Variants in PPP1R14D observed in about 807,000 individuals in gnomAD.
The protein encoded by PPP1R14D is protein phosphatase 1 regulatory subunit 14D.
In PPP1R14D, 14 loss-of-function variants were observed where a neutral mutation model predicts 17.1. That is an observed-to-expected ratio of 0.82 (90% CI 0.54 to 1.28). The LOEUF is 1.28. Among genes scored for constraint, PPP1R14D ranks in the 50% most tolerant of loss-of-function variants. PPP1R14D has a pLI of 0.00. For missense variants in PPP1R14D, 173 were observed against 179.2 expected (o/e 0.97, Z 0.20); for synonymous variants, 67 against 66.1 (o/e 1.01, Z -0.06).
intron 1 of PPP1R14D, among the ~76,000 whole-genome samples, chr15:40,824,375 GTT>G (rs543108490): frequency 7.7e-5 from 11 of 143,686 alleles, no homozygotes; most frequent in African/African-American, 1.8e-4. Flanking sequence ...TGACAATACT[GTT>G]TTTTTTTTTT....
intron 1 of PPP1R14D, among the ~76,000 whole-genome samples, chr15:40,826,905 C>G (rs1301299287): frequency 6.6e-6 from 1 of 152,196 alleles, no homozygotes; most frequent in Non-Finnish European, 1.5e-5. Context: ...TAGTTGTGTT[C>G]AGAATGTTAT....
rs555561585 is a variant in PPP1R14D at position 40,823,067 on chromosome 15, C to T, written c.255+5320G>A. On this transcript the variant is annotated intron_variant, in intron 1 of 3. Coordinates refer to ENST00000299174, the MANE Select transcript of PPP1R14D (RefSeq NM_017726.8). ...GCAACCTCTGTCTCCTGGGTTCAAG[C>T]GATTCTCCTGCCTTAGCCTCCCAAG... 5.4e-5 allele frequency among the ~76,000 whole-genome samples: 8 copies of T among 149,156 alleles called. No individual in the cohort carries two copies. In the East Asian group the frequency reaches 6.0e-4, roughly 11 times the overall value.
Position 40,815,691 on chromosome 15 carries a change from C to T in PPP1R14D, c.*5G>A. 1.2e-6 allele frequency: 2 copies of T among 1,613,812 alleles called. No individual in the cohort carries two copies. The highest frequency in any genetic ancestry group is 2.2e-5 in the East Asian group (1 of 44,878). ...GCTGAGGCTGCTAAAGATGGTCTCTCAGGCTTATTTCTGAGGCCGGCTGAG... is the reference window on the plus strand; with the variant it reads ...GCTGAGGCTGCTAAAGATGGTCTCTTAGGCTTATTTCTGAGGCCGGCTGAG... On this transcript the variant is annotated 3_prime_UTR_variant, in exon 4 of 4. Transcript: ENST00000299174.
intron 1 of PPP1R14D, among the ~76,000 whole-genome samples, chr15:40,823,432 A>C (rs1216895110): frequency 6.6e-6 from 1 of 152,120 alleles, no homozygotes; most frequent in Non-Finnish European, 1.5e-5. Context: ...AGTGCAGCCT[A>C]TGTGTACAGT....
intron 1 of PPP1R14D, among the ~76,000 whole-genome samples, chr15:40,824,367 A>G (rs1479830303): frequency 2.0e-5 from 3 of 151,492 alleles, no homozygotes; most frequent in Admixed American, 2.0e-4. Flanking sequence ...ACATTCATTG[A>G]CAATACTGTT....
At chr15:40,817,250 C>A in intron 1 of PPP1R14D, 1 of 304,742 alleles carries the variant, frequency 3.3e-6, no homozygotes, top group Non-Finnish European at 7.1e-6. Context: ...CCAGCTACTC[C>A]AGGAGCTGAG....
At chr15:40,824,076 C>T (rs1301166758) in intron 1 of PPP1R14D, among the ~76,000 whole-genome samples, 1 of 151,716 alleles carries the variant, frequency 6.6e-6, no homozygotes, top group Non-Finnish European at 1.5e-5. Flanking sequence ...ATACTCTTGC[C>T]CTCAAATAAT....
Position 40,828,665 on chromosome 15 carries a change from G to A in PPP1R14D, c.-24C>T, listed in dbSNP as rs553632331. The A allele has an allele frequency of 1.6e-5, 26 of 1,581,288 alleles. No individual in the cohort carries two copies. In the African/African-American group the frequency reaches 2.2e-4, roughly 13 times the overall value. On this transcript the variant is annotated 5_prime_UTR_variant, in exon 1 of 4. Transcript: ENST00000299174. ...ATGGAAGTATTGGTCTGGGCAAGGA[G>A]CTGGGAAAAACCGCCAGTTCTGAGC... is the stretch of plus-strand genomic sequence containing the variant.
At position 40,828,502 on chromosome 15, in the gene PPP1R14D, T is replaced by C; in HGVS notation, c.140A>G (p.Lys47Arg). Residue 47 changes from lysine to arginine, a missense_variant, in exon 1 of 4, where the codon AAG becomes AGG. By Grantham distance (26) the Lys-to-Arg change is conservative (BLOSUM62 2). Coordinates refer to ENST00000299174, the MANE Select transcript of PPP1R14D (RefSeq NM_017726.8). ...GCTGGGTCTCCGGGACCTGGGTATC[T>C]TGGAGGAGTCCGGGTGGGACTTGGA... The part of the protein sequence containing the change: ...SESKSHPDSS[K>R]IPRSRRPSRL... The C allele has an allele frequency of 6.2e-7, 1 of 1,614,204 alleles. No individual in the cohort carries two copies.
At chr15:40,828,027 T>C (rs1429954846) in intron 1 of PPP1R14D, among the ~76,000 whole-genome samples, 1 of 151,994 alleles carries the variant, frequency 6.6e-6, no homozygotes, top group Non-Finnish European at 1.5e-5. Context: ...GCATTGAACA[T>C]GGGAGTAAAT....
intron 1 of PPP1R14D, among the ~76,000 whole-genome samples, chr15:40,818,288 CAAAAAA>C (rs764375543): frequency 3.2e-4 from 12 of 37,124 alleles, no homozygotes; most frequent in South Asian, 1.9e-3. Flanking sequence ...GACTCCATCT[CAAAAAA>C]AAAAAAAAAA....
At chr15:40,821,436 CTG>C (rs1038546412) in intron 1 of PPP1R14D, among the ~76,000 whole-genome samples, 1 of 149,936 alleles carries the variant, frequency 6.7e-6, no homozygotes, top group African/African-American at 2.5e-5. Flanking sequence ...ATGTTTAACA[CTG>C]TGGGGAAAAA....
chr15:40,822,483 C>T (rs1234618854), intron 1 of PPP1R14D, among the ~76,000 whole-genome samples: 3 of 150,246 alleles, frequency 2.0e-5, no homozygotes, highest in East Asian at 1.9e-4. Flanking sequence ...GATGGAGTTT[C>T]GCTCTTGTTG....
intron 1 of PPP1R14D, among the ~76,000 whole-genome samples, chr15:40,821,637 T>A (rs1405366325): frequency 6.6e-6 from 1 of 152,010 alleles, no homozygotes; most frequent in Non-Finnish European, 1.5e-5. Flanking sequence ...ATAATAAAGA[T>A]AAACTCTAGG....
At chr15:40,825,779 G>T (rs1382410627) in intron 1 of PPP1R14D, among the ~76,000 whole-genome samples, 1 of 152,222 alleles carries the variant, frequency 6.6e-6, no homozygotes. Flanking sequence ...CAGGGATTGG[G>T]AGAGAAACTG....
chr15:40,828,287 G>A (rs1179748899), intron 1 of PPP1R14D, 100 bp downstream of exon 1: 2 of 1,429,496 alleles, frequency 1.4e-6, no homozygotes, highest in East Asian at 2.3e-5. Flanking sequence ...TTCTCTTCAC[G>A]GAAGCACCTC....
intron 1 of PPP1R14D, among the ~76,000 whole-genome samples, chr15:40,822,718 G>A (rs1226235245): frequency 1.3e-5 from 2 of 152,194 alleles, no homozygotes; most frequent in African/African-American, 4.8e-5. Flanking sequence ...CTCCCAAAGT[G>A]CTGGGATTAC....
chr15:40,815,682 A>G lies in PPP1R14D; in HGVS notation c.*14T>C, dbSNP rs769223399. ...CCTGGCAGTGCTGAGGCTGCTAAAG[A>G]TGGTCTCTCAGGCTTATTTCTGAGG... On this transcript the variant is annotated 3_prime_UTR_variant, in exon 4 of 4. Transcript: ENST00000299174. 3 of 1,613,592 alleles carry G rather than the reference A, an allele frequency of 1.9e-6. No individual in the cohort carries two copies. The highest frequency in any genetic ancestry group is 2.5e-6 in the Non-Finnish European group (3 of 1,179,726).
intron 1 of PPP1R14D, among the ~76,000 whole-genome samples, chr15:40,823,663 G>T (rs894834687): frequency 6.6e-6 from 1 of 152,120 alleles, no homozygotes; most frequent in Non-Finnish European, 1.5e-5. Flanking sequence ...ACAGTAAACT[G>T]CTGTACAGGT....
Sources: allele counts gnomAD v4.1 joint callset (sites outside exome capture counted in the v4.1 genomes callset), GRCh38; gene constraint gnomAD v4.1.1; transcripts MANE v1.5; gene names NCBI Gene and HGNC (gene_info 2026-07-23, HGNC 2026-07-21).